RASAL1: variants seen among roughly 807,000 people sequenced by gnomAD.
The protein encoded by RASAL1 is rasGAP-activating-like protein 1.
Under a neutral mutation model 96.6 loss-of-function variants are expected in RASAL1, and 72 were observed. That is an observed-to-expected ratio of 0.75 (90% CI 0.62 to 0.91). The LOEUF (loss-of-function observed/expected upper bound fraction) is 0.91, where lower values mean the gene tolerates loss of function less well. Ranked by LOEUF, RASAL1 falls within the 40% of genes least tolerant of loss-of-function variation. The pLI is 0.00. For missense variants in RASAL1, 1,016 were observed against 1,072.5 expected, an observed-to-expected ratio of 0.95 and a Z score of 0.74; for synonymous variants, 405 against 430.4, an observed-to-expected ratio of 0.94 and a Z score of 0.73.
At position 113,099,539 on chromosome 12, in the gene RASAL1, T is replaced by G. The variant is rs1330764382; in HGVS notation, c.*390A>C. The G allele has an allele frequency of 5.8e-6, 1 of 171,068 alleles. No homozygotes were observed. Among genetic ancestry groups the G allele is most frequent in the Non-Finnish European group, 1.2e-5 (1 of 80,818 alleles). The allele number at this position is 171,068 out of a possible 1,614,324, so 10.6% of individuals were successfully genotyped here. ...GGAGTGAGGCCATTTAGTGCCCATC[T>G]GGGGCAACAACATCACATGGGCATC... On this transcript the variant is annotated 3_prime_UTR_variant, in exon 21 of 21. Transcript: ENST00000548055.
Position 113,102,023 on chromosome 12 carries a change from GC to G in RASAL1, c.2105-15del. On this transcript the variant is annotated splice_polypyrimidine_tract_variant and intron_variant, in intron 18 of 20. Transcript: ENST00000548055. ...TGCAGCCGGCGGCTGAGGGAACACA[GC>G]TTCATTCATCAGTAACTCCCTCTCC... is the stretch of plus-strand genomic sequence containing the variant. 1 of 1,610,256 alleles carries G rather than the reference GC, an allele frequency of 6.2e-7. No individual in the cohort carries two copies. The highest frequency in any genetic ancestry group is 8.5e-7 in the Non-Finnish European group (1 of 1,178,054).
intron 12 of RASAL1, among the ~76,000 whole-genome samples, chr12:113,113,405 C>T (rs1455121348): frequency 6.6e-6 from 1 of 152,182 alleles, no homozygotes; most frequent in Non-Finnish European, 1.5e-5. Context: ...ACTCCACAGC[C>T]TGCCTGCAAC....
chr12:113,107,336 C>T, intron 14 of RASAL1, 95 bp from the exon 15 acceptor site: 6 of 1,392,294 alleles, frequency 4.3e-6, no homozygotes, highest in South Asian at 1.5e-5. Context: ...AAAGAAGACT[C>T]ATATTGCCGG....
At position 113,108,148 on chromosome 12, in the gene RASAL1, CA is replaced by C; in HGVS notation, c.1448del (p.Leu483ArgfsTer56). 6.2e-7 allele frequency: 1 copy of C among 1,613,772 alleles called. No individual in the cohort carries two copies. Among genetic ancestry groups the C allele is most frequent in the Non-Finnish European group, 8.5e-7 (1 of 1,179,894 alleles). On this transcript the variant is annotated frameshift_variant, in exon 14 of 21. Transcript: ENST00000548055. LOFTEE classifies it high-confidence loss of function. ...CCGCGTGTTGGTCCCGAAGGTCAAA[CA>C]GCTTTGGGGTAAGGATGGCAGGTGC... is the stretch of plus-strand genomic sequence containing the variant. ...FFAPAILTPK[L>X]FDLRDQHADP...
At chr12:113,120,538 T>G (rs1318902906) in intron 5 of RASAL1, among the ~76,000 whole-genome samples, 1 of 152,128 alleles carries the variant, frequency 6.6e-6, no homozygotes, top group Non-Finnish European at 1.5e-5. Context: ...CTCCCCAATC[T>G]GGGCAGGGAT....
At chr12:113,110,331 A>G (rs907934254) in intron 13 of RASAL1, among the ~76,000 whole-genome samples, 1 of 152,228 alleles carries the variant, frequency 6.6e-6, no homozygotes, top group Non-Finnish European at 1.5e-5. Context: ...TGTGGCATAA[A>G]TCAAAAGCTC....
Position 113,130,973 on chromosome 12 carries a change from G to C in RASAL1, c.66-32C>G. The C allele has an allele frequency of 6.3e-7, 1 of 1,579,546 alleles. No homozygotes were observed. Among genetic ancestry groups the C allele is most frequent in the South Asian group, 1.1e-5 (1 of 89,644 alleles). ...AAGGAGGGAGTTCAGGGAGGAAGCAGGTTGAGAGGGCAGCCATGAGTGGAG... is the reference window on the plus strand; with the variant it reads ...AAGGAGGGAGTTCAGGGAGGAAGCACGTTGAGAGGGCAGCCATGAGTGGAG... On this transcript the variant is annotated intron_variant, in intron 1 of 20. Transcript: ENST00000548055. This position sits in a 1 kb window ranked among gnomAD's most constrained non-coding sequence, Gnocchi z 5.1.
In RASAL1 at chr12:113,135,523, G is replaced by T; in HGVS notation, c.-61C>A. The T allele has an allele frequency of 7.0e-7, 1 of 1,430,082 alleles. No individual in the cohort carries two copies. The highest frequency in any genetic ancestry group is 1.2e-5 in the South Asian group (1 of 81,012). 88.6% of individuals were successfully genotyped at this position (1,430,082 alleles called of 1,614,324 possible). A position where few individuals can be genotyped will look rare whatever the true frequency, so the allele number is the denominator to read the frequency against. On this transcript the variant is annotated 5_prime_UTR_variant, in exon 1 of 21. Coordinates refer to ENST00000548055, the MANE Select transcript of RASAL1 (RefSeq NM_001301202.2). This position sits in a 1 kb window ranked among gnomAD's most constrained non-coding sequence, Gnocchi z 5.7. ...CTCAGGTTCCGAGGCTGGACCAGGG[G>T]ACGTCTACATGTCACCTGCTTCAAG...
chr12:113,125,641 C>A (rs1246607622), intron 4 of RASAL1, among the ~76,000 whole-genome samples: 1 of 152,150 alleles, frequency 6.6e-6, no homozygotes, highest in Non-Finnish European at 1.5e-5. Context: ...AGTTTGATAA[C>A]TGAGAGAGTG....
intron 16 of RASAL1, 117 bp downstream of exon 16, chr12:113,105,597 T>C (rs567122740): frequency 5.0e-5 from 57 of 1,132,282 alleles, no homozygotes; most frequent in Non-Finnish European, 6.2e-5. Flanking sequence ...GTTAAGTTGC[T>C]ATGGCATCTT....
chr12:113,105,762 G>C lies in RASAL1; in HGVS notation c.1782C>G (p.Val594=). 1 of 1,614,026 alleles carries C rather than the reference G, an allele frequency of 6.2e-7. No homozygotes were observed. Among genetic ancestry groups the C allele is most frequent in the Non-Finnish European group, 8.5e-7 (1 of 1,179,914 alleles). Reference sequence around the variant, plus strand: ...AGGAGAGGGTCTCCCCGCTGAGCCAGACGTAGCGCTTCTTGAAGGCAAAGC... The same window carrying C: ...AGGAGAGGGTCTCCCCGCTGAGCCACACGTAGCGCTTCTTGAAGGCAAAGC... The part of the protein sequence containing the change: ...ATRFAFKKRY[V]WLSGETLSFS... Residue 594 remains valine (V), a synonymous_variant, in exon 16 of 21, where the codon GTC becomes GTG. Transcript: ENST00000548055.
Position 113,105,779 on chromosome 12 carries a change from A to G in RASAL1, c.1765T>C (p.Phe589Leu). Residue 589 changes from phenylalanine (F) to leucine (L), a missense_variant, in exon 16 of 21, where the codon TTC becomes CTC. Physicochemically the swap from Phe to Leu is conservative, Grantham distance 22. Coordinates refer to ENST00000548055, the MANE Select transcript of RASAL1 (RefSeq NM_001301202.2). ...CTGAGCCAGACGTAGCGCTTCTTGA[A>G]GGCAAAGCGCGTGGCCAGGCCGGCA... ...EPAGLATRFA[F>L]KKRYVWLSGE... is the part of the protein sequence containing the mutation. 1 of 1,614,150 alleles carries G rather than the reference A, an allele frequency of 6.2e-7. No individual in the cohort carries two copies. Among genetic ancestry groups the G allele is most frequent in the Non-Finnish European group, 8.5e-7 (1 of 1,179,990 alleles).
chr12:113,102,781 C>T (rs1239387664), intron 18 of RASAL1, among the ~76,000 whole-genome samples: 1 of 152,152 alleles, frequency 6.6e-6, no homozygotes, highest in African/African-American at 2.4e-5. Flanking sequence ...CTCATCCAGC[C>T]CCACTTCTGC....
At chr12:113,132,219 C>A (rs1002200997) in intron 1 of RASAL1, among the ~76,000 whole-genome samples, 1 of 152,072 alleles carries the variant, frequency 6.6e-6, no homozygotes, top group African/African-American at 2.4e-5. Flanking sequence ...GTAATCCACC[C>A]GCCTCGGCCT....
chr12:113,130,899 G>A lies in RASAL1; in HGVS notation c.108C>T (p.Asp36=), dbSNP rs768611166. Residue 36 remains aspartate (D), a synonymous_variant, in exon 2 of 21, where the codon GAC becomes GAT. Transcript: ENST00000548055. The surrounding 1 kb of genome is among the most constrained non-coding windows in gnomAD (Gnocchi z 5.1). The stretch of plus-strand genomic sequence containing the variant: ...CCACCCCTCACCTGGCCACCACCTC[G>A]TCGTCCACTTTCACTAGGCAGTAGG... The part of the protein sequence containing the change: ...SDPYCLVKVD[D]EVVARTATVW... 11 of 1,613,168 alleles carry A rather than the reference G, an allele frequency of 6.8e-6. 1 individual carries two copies. The highest frequency in any genetic ancestry group is 5.5e-5 in the South Asian group (5 of 90,996).
Position 113,105,713 on chromosome 12 carries a change from C to A in RASAL1, c.1830+1G>T. ...CCCTCCATAGTGGACTGGAACCCCA[C>A]CTGCCACTCAGGACTCTTGGAGAAG... On this transcript the variant is annotated splice_donor_variant, in intron 16 of 20. Transcript: ENST00000548055. LOFTEE classifies it high-confidence loss of function. 1 of 1,601,342 alleles carries A rather than the reference C, an allele frequency of 6.2e-7. No individual in the cohort carries two copies. Among genetic ancestry groups the A allele is most frequent in the Non-Finnish European group, 8.5e-7 (1 of 1,171,746 alleles).
rs777231819 is a variant in RASAL1, at chr12:113,115,309, A to G, written c.1004-45T>C. The G allele has an allele frequency of 2.6e-6, 4 of 1,521,578 alleles. No homozygotes were observed. The Admixed American group carries it at 6.7e-5, about 25-fold the overall frequency. 94.3% of individuals were successfully genotyped at this position (1,521,578 alleles called of 1,614,324 possible). ...TGTTTGCTGGGATTTAGGGAGCTGA[A>G]CCCAGCTCACCCCACTCACCCAAGG... is the stretch of plus-strand genomic sequence containing the variant. On this transcript the variant is annotated intron_variant, in intron 10 of 20. Transcript: ENST00000548055. The surrounding 1 kb of genome is among the most constrained non-coding windows in gnomAD (Gnocchi z 4.1).
chr12:113,128,143 C>T lies in RASAL1; in HGVS notation c.158G>A (p.Trp53Ter), dbSNP rs139329607. 8 of 1,613,734 alleles carry T rather than the reference C, an allele frequency of 5.0e-6. No homozygotes were observed. Among genetic ancestry groups the T allele is most frequent in the African/African-American group, 1.3e-5 (1 of 74,882 alleles). Residue 53 changes from tryptophan (W) to a stop codon, truncating the protein, a stop_gained, in exon 3 of 21, where the codon TGG becomes TAG. Coordinates refer to ENST00000548055, the MANE Select transcript of RASAL1 (RefSeq NM_001301202.2). LOFTEE classifies it high-confidence loss of function. Reference protein sequence around the residue: ...ATVWRSLGPFWGEEYTVHLPL... With the variant: ...ATVWRSLGPF The stretch of plus-strand genomic sequence containing the variant: ...CAGGTGCACCGTGTACTCCTCCCCC[C>T]AGAAGGGGCCCAGGCTCCTCCAGAC...
rs774764449 is a variant in RASAL1, at chr12:113,105,781, G to A, written c.1763C>T (p.Ala588Val). 2 of 1,614,048 alleles carry A rather than the reference G, an allele frequency of 1.2e-6. No individual in the cohort carries two copies. The highest frequency in any genetic ancestry group is 2.7e-5 in the African/African-American group (2 of 74,962). Residue 588 changes from alanine to valine, a missense_variant, in exon 16 of 21, where the codon GCC becomes GTC. Physicochemically the swap from Ala to Val is moderately conservative, Grantham distance 64 (BLOSUM62 0). Coordinates refer to ENST00000548055, the MANE Select transcript of RASAL1 (RefSeq NM_001301202.2). ...GAGCCAGACGTAGCGCTTCTTGAAG[G>A]CAAAGCGCGTGGCCAGGCCGGCAGG... ...EEPAGLATRF[A>V]FKKRYVWLSG...
Sources: allele counts gnomAD v4.1 joint callset (sites outside exome capture counted in the v4.1 genomes callset), GRCh38; gene constraint gnomAD v4.1.1; non-coding constraint Gnocchi (gnomAD v3.1); transcripts MANE v1.5; gene names NCBI Gene and HGNC (gene_info 2026-07-23, HGNC 2026-07-21).